The following TMEM18 variants were observed in gnomAD, a reference collection of about 807,000 sequenced individuals.
TMEM18 encodes the protein transmembrane protein 18.
A neutral mutation model predicts 17.4 loss-of-function variants in TMEM18; 14 were observed. The observed-to-expected ratio is 0.80, with a 90% CI of 0.53 to 1.25. TMEM18 has a LOEUF of 1.25. Among genes scored for constraint, TMEM18 ranks in the 50% most tolerant of loss-of-function variants. The pLI, the probability that TMEM18 is intolerant of heterozygous loss-of-function variation, is 0.00. For synonymous variants in TMEM18, 86 were observed against 66.1 expected (o/e 1.30, Z -1.46); for missense variants, 187 against 172.1 (o/e 1.09, Z -0.48).
intron 1 of TMEM18, chr2:676,653 G>A (rs1659240081): frequency 1.3e-6 from 2 of 1,548,640 alleles, no homozygotes; most frequent in East Asian, 4.9e-5. Context: ...ACCCCTTGGC[G>A]GCCACGTGGG....
intron 1 of TMEM18, chr2:676,191 C>A (rs1452419054): frequency 7.4e-7 from 1 of 1,356,632 alleles, no homozygotes; most frequent in South Asian, 1.2e-5. Context: ...ACTCTCCAGA[C>A]AGTGCCGCAC....
rs1395164207 is a variant in TMEM18 at position 664,326 on chromosome 2, A to C, written c.*5254T>G. Among the ~76,000 whole-genome samples the C allele has an allele frequency of 6.6e-6, 1 of 152,236 alleles. No homozygotes were observed. The highest frequency in any genetic ancestry group is 6.5e-5 in the Admixed American group (1 of 15,286). Reference sequence around the variant, plus strand: ...TTCCTGATGATACATAAAGCAAAAAACTGTTTGACTTTCTAAAACCTTTTC... The same window carrying C: ...TTCCTGATGATACATAAAGCAAAAACCTGTTTGACTTTCTAAAACCTTTTC... On this transcript the variant is annotated 3_prime_UTR_variant, in exon 5 of 5. Transcript: ENST00000281017.
chr2:673,345 G>A (rs1327035926), intron 2 of TMEM18, among the ~76,000 whole-genome samples: 3 of 152,106 alleles, frequency 2.0e-5, no homozygotes, highest in African/African-American at 7.2e-5. Flanking sequence ...GAACAGCTTT[G>A]GGGTGCTGGA....
Position 672,816 on chromosome 2 carries a change from C to T in TMEM18, c.225G>A (p.Met75Ile). 1 of 1,475,038 alleles carries T rather than the reference C, an allele frequency of 6.8e-7. No homozygotes were observed. The highest frequency in any genetic ancestry group is 9.0e-7 in the Non-Finnish European group (1 of 1,116,964). 91.4% of individuals were successfully genotyped at this position (1,475,038 alleles called of 1,614,324 possible). ...CAEYINEAAA[M>I]NWRLFSKYQY... ...CCCGGGGGTGGGCTCACCTCCAGTT[C>T]ATCGCAGCCGCCTCATTGATGTATT... The change falls in exon 3 of 5, where the codon ATG (methionine) becomes ATA (isoleucine). Residue 75 changes from methionine to isoleucine, a missense_variant. Coordinates refer to ENST00000281017, the MANE Select transcript of TMEM18 (RefSeq NM_152834.4).
intron 1 of TMEM18, chr2:676,744 A>G: frequency 1.8e-6 from 2 of 1,123,520 alleles, no homozygotes; most frequent in Non-Finnish European, 2.5e-6. Flanking sequence ...CCTCCGTGCC[A>G]CCCCACACGA....
intron 1 of TMEM18, chr2:676,408 GC>G: frequency 7.5e-7 from 1 of 1,342,230 alleles, no homozygotes; most frequent in Non-Finnish European, 1.0e-6. Context: ...CTGCAGCCCC[GC>G]CCTGCCCTCC....
rs527288989 is a variant in TMEM18, at chr2:675,544, G to C, written c.144C>G (p.Ser48Arg). Residue 48 changes from serine (S) to arginine (R), a missense_variant, in exon 2 of 5, where the codon AGC becomes AGG. Transcript: ENST00000281017. ...CVLLTCLSSRSYRLQIGHFLC... is the reference protein window; with the variant it reads ...CVLLTCLSSRRYRLQIGHFLC... Reference sequence around the variant, plus strand: ...GAAAGTGCCCGATCTGTAGTCTGTAGCTTCGGGAGGACAAGCAGGTGAGGA... The same window carrying C: ...GAAAGTGCCCGATCTGTAGTCTGTACCTTCGGGAGGACAAGCAGGTGAGGA... 8.1e-6 allele frequency: 13 copies of C among 1,614,264 alleles called. No homozygotes were observed. In the South Asian group the frequency reaches 1.4e-4, roughly 18 times the overall value.
At chr2:676,175 C>A (rs1280311567) in intron 1 of TMEM18, 1 of 1,344,366 alleles carries the variant, frequency 7.4e-7, no homozygotes, top group Non-Finnish European at 9.8e-7. Context: ...CTCTGCAATA[C>A]ACTGAACTCT....
Position 666,575 on chromosome 2 carries a change from T to C in TMEM18, c.*3005A>G, listed in dbSNP as rs1283856362. On this transcript the variant is annotated 3_prime_UTR_variant, in exon 5 of 5. Transcript: ENST00000281017. ...CCACCAACGCATGGCACCCACAGCC[T>C]GCGTGGGCCTCGCCGCCCCATCCTG... is the stretch of plus-strand genomic sequence containing the variant. Among the ~76,000 whole-genome samples the C allele has an allele frequency of 1.3e-5, 2 of 152,256 alleles. No individual in the cohort carries two copies. Among genetic ancestry groups the C allele is most frequent in the Admixed American group, 6.5e-5 (1 of 15,306 alleles).
At chr2:677,187 G>A in intron 1 of TMEM18, 102 bp downstream of exon 1, 4 of 1,450,908 alleles carry the variant, frequency 2.8e-6, no homozygotes, top group South Asian at 2.4e-5. Context: ...CCCCGCCCAC[G>A]GCCGGGGCCT....
rs758027738 is a variant in TMEM18, at chr2:669,776, A to G, written c.308T>C (p.Val103Ala). Residue 103 changes from valine (V) to alanine (A), a missense_variant, in exon 4 of 5, where the codon GTG becomes GCG. Coordinates refer to ENST00000281017, the MANE Select transcript of TMEM18 (RefSeq NM_152834.4). ...ACGTACCACAATGATCATGGCATTC[A>G]CCAGCAGTGGGGCTGAAAATACTAT... Reference protein sequence around the residue: ...ISIVFSAPLLVNAMIIVVMWV... With the variant: ...ISIVFSAPLLANAMIIVVMWV... 10 of 1,614,146 alleles carry G rather than the reference A, an allele frequency of 6.2e-6. No homozygotes were observed. In the Middle Eastern group the frequency reaches 8.2e-4, roughly 133 times the overall value.
In TMEM18 at chr2:669,842, G is replaced by A. The variant is rs969982865; in HGVS notation, c.242C>T (p.Ser81Leu). The A allele has an allele frequency of 1.4e-5, 23 of 1,610,166 alleles. No homozygotes were observed. The highest frequency in any genetic ancestry group is 6.7e-5 in the East Asian group (3 of 44,868). ...EAAAMNWRLF[S>L]KYQYFDSRGM... ...CCTGGAGTCGAAATACTGGTATTTCGAAAATAATCTGTTTAAAAAACAAAA... is the reference window on the plus strand; with the variant it reads ...CCTGGAGTCGAAATACTGGTATTTCAAAAATAATCTGTTTAAAAAACAAAA... The change falls in exon 4 of 5, where the codon TCG (serine) becomes TTG (leucine). Residue 81 changes from serine (S) to leucine (L), a missense_variant. Transcript: ENST00000281017.
At chr2:670,167 C>G (rs778864924) in intron 3 of TMEM18, 8 of 291,346 alleles carry the variant, frequency 2.7e-5, no homozygotes, top group Non-Finnish European at 4.5e-5. Context: ...GCACATCTGA[C>G]CTTAGCTGGA....
In TMEM18 at chr2:668,958, C is replaced by G. The variant is rs1161726822; in HGVS notation, c.*622G>C. ...CAACGTATTTTCCAAGAGCTTCCTTCCAAGGTCTCTCTGCCCCAGCACAGC... is the reference window on the plus strand; with the variant it reads ...CAACGTATTTTCCAAGAGCTTCCTTGCAAGGTCTCTCTGCCCCAGCACAGC... On this transcript the variant is annotated 3_prime_UTR_variant, in exon 5 of 5. Coordinates refer to ENST00000281017, the MANE Select transcript of TMEM18 (RefSeq NM_152834.4). 1 of 152,342 alleles carries G rather than the reference C, an allele frequency of 6.6e-6. No homozygotes were observed. The highest frequency in any genetic ancestry group is 6.5e-5 in the Admixed American group (1 of 15,288). The allele number at this position is 152,342 out of a possible 1,614,324, so 9.4% of individuals were successfully genotyped here.
intron 1 of TMEM18, 127 bp from the exon 2 acceptor site, chr2:675,757 C>T (rs1678987912): frequency 6.5e-7 from 1 of 1,536,050 alleles, no homozygotes; most frequent in African/African-American, 1.4e-5. Context: ...GGGCTACTCA[C>T]CAAGTATCCA....
Position 669,524 on chromosome 2 carries a change from C to T in TMEM18, c.*56G>A, listed in dbSNP as rs1001039928. 3.4e-5 allele frequency: 54 copies of T among 1,571,586 alleles called. No homozygotes were observed. In the Middle Eastern group the frequency reaches 5.0e-4, roughly 15 times the overall value. On this transcript the variant is annotated 3_prime_UTR_variant, in exon 5 of 5. Coordinates refer to ENST00000281017, the MANE Select transcript of TMEM18 (RefSeq NM_152834.4). ...TGCCCACGCCACGCACACTGCAGCA[C>T]TGGGAGCTGCACTGGGTGGACGGGA...
At chr2:672,899 G>A in intron 2 of TMEM18, 37 bp from the exon 3 acceptor site, 3 of 1,486,844 alleles carry the variant, frequency 2.0e-6, no homozygotes, top group Non-Finnish European at 2.7e-6. Flanking sequence ...AATTTAGATG[G>A]CCCGTTATTA....
intron 1 of TMEM18, chr2:676,575 A>G: frequency 6.4e-7 from 1 of 1,550,486 alleles, no homozygotes; most frequent in Non-Finnish European, 8.7e-7. Flanking sequence ...TGCACCCACC[A>G]GAAGACCAGA....
In TMEM18 at chr2:675,398, G is replaced by A; in HGVS notation, c.178+112C>T. 3 of 1,495,360 alleles carry A rather than the reference G, an allele frequency of 2.0e-6. No individual in the cohort carries two copies. The East Asian group carries it at 6.8e-5, about 34-fold the overall frequency. 92.6% of individuals were successfully genotyped at this position (1,495,360 alleles called of 1,614,324 possible). On this transcript the variant is annotated intron_variant, in intron 2 of 4. Transcript: ENST00000281017. ...GCCCTGGGAGCAGGCACATGACAGA[G>A]GGTTGGGAGGTCTTGTAAAAATATG...
Sources: gnomAD v4.1 joint callset for allele counts (sites outside exome capture counted in the v4.1 genomes callset) on GRCh38, gnomAD v4.1.1 for gene constraint, MANE v1.5 for transcripts, NCBI Gene and HGNC (gene_info 2026-07-23, HGNC 2026-07-21) for gene names.